The following TOGARAM2 variants were observed in gnomAD, a reference collection of about 807,000 sequenced individuals.
The protein encoded by TOGARAM2 is TOG array regulator of axonemal microtubules 2.
TOGARAM2 carries 85 observed loss-of-function variants against 93.3 expected under a neutral mutation model. That is an observed-to-expected ratio of 0.91 (90% CI 0.76 to 1.09). The LOEUF (loss-of-function observed/expected upper bound fraction) is 1.09. TOGARAM2 is among the 50% of genes least tolerant of loss of function. TOGARAM2 has a pLI of 0.00. For missense variants in TOGARAM2, 1,277 were observed against 1,334.5 expected, an observed-to-expected ratio of 0.96 and a Z score of 0.67; for synonymous variants, 593 against 552.8, an observed-to-expected ratio of 1.07 and a Z score of -1.02.
chr2:29,023,983 A>G (rs532544655), intron 12 of TOGARAM2, among the ~76,000 whole-genome samples, 156 bp from the exon 13 acceptor site: 1 of 152,036 alleles, frequency 6.6e-6, no homozygotes, highest in Admixed American at 6.5e-5. Flanking sequence ...AGTTTTGCTC[A>G]GAGTGGCTGC....
chr2:28,968,641 T>C (rs1363401353), intron 1 of TOGARAM2, among the ~76,000 whole-genome samples: 1 of 151,978 alleles, frequency 6.6e-6, no homozygotes, highest in Non-Finnish European at 1.5e-5. Flanking sequence ...ACTCCGTCTC[T>C]ATTGAAAATA....
At chr2:29,001,295 G>C (rs920965384) in intron 4 of TOGARAM2, among the ~76,000 whole-genome samples, 1 of 152,118 alleles carries the variant, frequency 6.6e-6, no homozygotes, top group East Asian at 1.9e-4. Flanking sequence ...GGAGGGGAGC[G>C]AGTGTGCAGG....
intron 1 of TOGARAM2, among the ~76,000 whole-genome samples, chr2:28,975,884 T>C (rs1572620092): frequency 6.6e-6 from 1 of 152,146 alleles, no homozygotes; most frequent in Admixed American, 6.5e-5. Context: ...CCTTTCCTCA[T>C]TGCTGATGAT....
At chr2:28,993,239 G>A (rs921858097) in intron 1 of TOGARAM2, among the ~76,000 whole-genome samples, 1 of 152,152 alleles carries the variant, frequency 6.6e-6, no homozygotes, top group Non-Finnish European at 1.5e-5. Flanking sequence ...TTGCTTTTCT[G>A]CATATAATTT....
chr2:29,026,214 G>C (rs1180411488), intron 13 of TOGARAM2, among the ~76,000 whole-genome samples: 5 of 152,128 alleles, frequency 3.3e-5, no homozygotes, highest in African/African-American at 1.2e-4. Context: ...CCCCAGTACT[G>C]TTCTCTGTAC....
intron 1 of TOGARAM2, among the ~76,000 whole-genome samples, chr2:28,983,220 TTTTTTTG>T (rs1558400544): frequency 3.0e-5 from 3 of 100,630 alleles, no homozygotes; most frequent in South Asian, 3.4e-4. Flanking sequence ...TTTTTTTTTT[TTTTTTTG>T]TAGAGATGGG....
At chr2:28,984,793 C>T (rs142004676) in intron 1 of TOGARAM2, among the ~76,000 whole-genome samples, 1,759 of 152,304 alleles carry the variant, frequency 0.012, 21 homozygotes, top group Non-Finnish European at 0.021. Context: ...AGGATTGATG[C>T]GGTGGTATCC....
rs560739647 is a variant in TOGARAM2 at position 28,956,986 on chromosome 2, A to G, written c.-147+289A>G. Among the ~76,000 whole-genome samples, 1 of 151,858 alleles carries G rather than the reference A, an allele frequency of 6.6e-6. No individual in the cohort carries two copies. Among genetic ancestry groups the G allele is most frequent in the Non-Finnish European group, 1.5e-5 (1 of 67,976 alleles). ...CTAAAAGTACAAAAATTGGCCGGGA[A>G]TGGTGGAGGGCATCTGTAATCCCAG... On this transcript the variant is annotated intron_variant, in intron 1 of 6. Transcript: ENST00000401723. This position sits in a 1 kb window ranked among gnomAD's most constrained non-coding sequence, Gnocchi z 4.5.
At chr2:29,011,088 A>G (rs6712882) in intron 6 of TOGARAM2, among the ~76,000 whole-genome samples, 62,756 of 152,124 alleles carry the variant, frequency 0.41, 15,461 homozygotes, top group Non-Finnish European at 0.54. Flanking sequence ...GCTGGGAGGC[A>G]GTTTACCCTT....
chr2:28,998,304 C>A, intron 3 of TOGARAM2, 51 bp downstream of exon 3: 3 of 1,356,124 alleles, frequency 2.2e-6, no homozygotes, highest in Non-Finnish European at 3.1e-6. Context: ...CATCCTGGAG[C>A]GGGGAGTGAG....
At chr2:29,027,090 A>C in intron 14 of TOGARAM2, 79 bp downstream of exon 14, 1 of 1,386,314 alleles carries the variant, frequency 7.2e-7, no homozygotes. Flanking sequence ...ACACAGCTTC[A>C]GCTTCCCTGG....
intron 2 of TOGARAM2, among the ~76,000 whole-genome samples, chr2:28,995,366 C>A (rs1384659444): frequency 6.6e-6 from 1 of 152,188 alleles, no homozygotes; most frequent in Non-Finnish European, 1.5e-5. Context: ...ATTGGTTCTG[C>A]CCCAGATGAA....
At chr2:28,989,588 A>T (rs891069230) in intron 1 of TOGARAM2, among the ~76,000 whole-genome samples, 1 of 151,444 alleles carries the variant, frequency 6.6e-6, no homozygotes, top group Non-Finnish European at 1.5e-5. Context: ...TGTAGAGATG[A>T]GGTTTTACTG....
In TOGARAM2 at chr2:29,017,969, G is replaced by T; in HGVS notation, c.1360+13G>T. 1 of 1,586,812 alleles carries T rather than the reference G, an allele frequency of 6.3e-7. No individual in the cohort carries two copies. The highest frequency in any genetic ancestry group is 1.1e-5 in the South Asian group (1 of 87,258). On this transcript the variant is annotated intron_variant, in intron 10 of 19. Coordinates refer to ENST00000379558, the MANE Select transcript of TOGARAM2 (RefSeq NM_199280.4). ...CGCCACGCCTCAGGTGGGCAGGCCC[G>T]ACTGGCAGGCACACGTGTCCCTCTG... is the stretch of plus-strand genomic sequence containing the variant.
intron 19 of TOGARAM2, chr2:29,046,423 A>AG (rs1390388516): frequency 1.3e-5 from 2 of 152,122 alleles, no homozygotes; most frequent in Non-Finnish European, 2.9e-5. Flanking sequence ...CCATCTAGGG[A>AG]GGGGGGCAGA....
Position 29,036,602 on chromosome 2 carries a change from T to A in TOGARAM2, c.2480T>A (p.Leu827Gln). 6.2e-7 allele frequency: 1 copy of A among 1,613,998 alleles called. No homozygotes were observed. Among genetic ancestry groups the A allele is most frequent in the Non-Finnish European group, 8.5e-7 (1 of 1,179,884 alleles). The part of the protein sequence containing the change: ...DSNKKVNQWA[L>Q]ESFAKMIPLL... ...AACAAGAAAGTGAACCAGTGGGCGC[T>A]GGAGTCCTTCGCCAAGATGATCCCC... The change falls in exon 18 of 20, where the codon CTG (leucine) becomes CAG (glutamine). Residue 827 changes from leucine (L) to glutamine (Q), a missense_variant. Transcript: ENST00000379558.
chr2:29,024,011 C>T lies in TOGARAM2; in HGVS notation c.1618-128C>T, dbSNP rs72859128. ...GTGGCTGCAGGGTTTTTGTTTCCAG[C>T]GTGGCAAGGCCTAGGTCAGGGGAAG... On this transcript the variant is annotated intron_variant, in intron 12 of 19. Transcript: ENST00000379558. The T allele has an allele frequency of 8.4e-4, 600 of 711,732 alleles. 3 individuals are homozygous for T. The African/African-American group carries it at 9.5e-3, about 11-fold the overall frequency. 44.1% of individuals were successfully genotyped at this position (711,732 alleles called of 1,614,324 possible).
At position 28,994,737 on chromosome 2, in the gene TOGARAM2, A is replaced by T. The variant is rs1397183202; in HGVS notation, c.-98A>T. 23 of 1,265,786 alleles carry T rather than the reference A, an allele frequency of 1.8e-5. No homozygotes were observed. Among genetic ancestry groups the T allele is most frequent in the Non-Finnish European group, 2.1e-5 (19 of 891,578 alleles). 78.4% of individuals were successfully genotyped at this position (1,265,786 alleles called of 1,614,324 possible). A position where few individuals can be genotyped will look rare whatever the true frequency, so the allele number is the denominator to read the frequency against. ...CTCTCACCCTTAGGTCCCGGATGTTACAGGTCAGAGCCCTCCAGACCCCCA... is the reference window on the plus strand; with the variant it reads ...CTCTCACCCTTAGGTCCCGGATGTTTCAGGTCAGAGCCCTCCAGACCCCCA... On this transcript the variant is annotated 5_prime_UTR_variant, in exon 2 of 20. Transcript: ENST00000379558.
At position 29,032,963 on chromosome 2, in the gene TOGARAM2, T is replaced by C. The variant is rs1414341944; in HGVS notation, c.2042T>C (p.Leu681Ser). Residue 681 changes from leucine (L) to serine (S), a missense_variant, in exon 15 of 20, where the codon TTG (leucine) becomes TCG (serine). By Grantham distance (145) the Leu-to-Ser change is moderately radical. Transcript: ENST00000379558. ...TATGGCCGGAAGATGGTGAATATCT[T>C]GATGGCGAACACTAAGTTTGATGCA... ...RFYGRKMVNILMANTKFDAFL... is the reference protein window; with the variant it reads ...RFYGRKMVNISMANTKFDAFL... The C allele has an allele frequency of 6.2e-7, 1 of 1,613,810 alleles. No homozygotes were observed. The highest frequency in any genetic ancestry group is 1.3e-5 in the African/African-American group (1 of 74,936).
Sources: allele counts gnomAD v4.1 joint callset (sites outside exome capture counted in the v4.1 genomes callset), GRCh38; gene constraint gnomAD v4.1.1; non-coding constraint Gnocchi (gnomAD v3.1); transcripts MANE v1.5; gene names NCBI Gene and HGNC (gene_info 2026-07-23, HGNC 2026-07-21).